Variants in KDM2A observed in about 807,000 individuals in gnomAD.
KDM2A encodes the protein lysine-specific demethylase 2A.
A neutral mutation model predicts 137.3 loss-of-function variants in KDM2A; 3 were observed. That is an observed-to-expected ratio of 0.02 (90% CI 0.01 to 0.06). The LOEUF (loss-of-function observed/expected upper bound fraction) is 0.06. Ranked by LOEUF, KDM2A falls within the 10% of genes least tolerant of loss-of-function variation. The pLI is 1.00. For synonymous variants in KDM2A, 512 were observed against 541.5 expected (o/e 0.95, Z 0.76); for missense variants, 738 against 1,510.6 (o/e 0.49, Z 8.48).
chr11:67,163,501 G>A (rs2136318723), intron 2 of KDM2A, among the ~76,000 whole-genome samples: 1 of 152,226 alleles, frequency 6.6e-6, no homozygotes, highest in East Asian at 1.9e-4. Context: ...TAGCCACTTA[G>A]GCCATTCTTT....
chr11:67,246,671 G>A (rs749140674), intron 15 of KDM2A, among the ~76,000 whole-genome samples: 9 of 152,046 alleles, frequency 5.9e-5, no homozygotes, highest in Non-Finnish European at 7.4e-5. Flanking sequence ...CTACTGATCC[G>A]AATTGTGCAG....
intron 11 of KDM2A, among the ~76,000 whole-genome samples, chr11:67,230,220 A>G (rs1433667768): frequency 6.6e-6 from 1 of 151,448 alleles, no homozygotes; most frequent in Non-Finnish European, 1.5e-5. Flanking sequence ...CACTGTGATG[A>G]GCACCTGTAG....
intron 9 of KDM2A, among the ~76,000 whole-genome samples, chr11:67,218,845 G>T (rs941657829): frequency 6.6e-6 from 1 of 152,086 alleles, no homozygotes; most frequent in Non-Finnish European, 1.5e-5. Flanking sequence ...TCCTGACCTC[G>T]TGATCCACCC....
chr11:67,136,024 T>C (rs569598058), intron 2 of KDM2A, among the ~76,000 whole-genome samples: 2 of 152,312 alleles, frequency 1.3e-5, no homozygotes, highest in African/African-American at 2.4e-5. Flanking sequence ...TTGTTTAATA[T>C]CTGATTTTTT....
intron 17 of KDM2A, among the ~76,000 whole-genome samples, chr11:67,251,403 T>C (rs1253089039): frequency 6.6e-6 from 1 of 152,218 alleles, no homozygotes; most frequent in African/African-American, 2.4e-5. Flanking sequence ...TCTTCTTAAG[T>C]TGGACAGACA....
At chr11:67,189,939 C>T (rs1857309882) in intron 5 of KDM2A, among the ~76,000 whole-genome samples, 1 of 151,768 alleles carries the variant, frequency 6.6e-6, no homozygotes, top group African/African-American at 2.4e-5. Flanking sequence ...ACAAACTAAA[C>T]CTAAAGCTAA....
At chr11:67,199,860 T>C (rs1031227370) in intron 5 of KDM2A, among the ~76,000 whole-genome samples, 2 of 152,158 alleles carry the variant, frequency 1.3e-5, no homozygotes, top group South Asian at 4.1e-4. Context: ...TCTAGGATTT[T>C]CATAGCTAGA....
At chr11:67,147,985 A>G (rs1208145629) in intron 2 of KDM2A, among the ~76,000 whole-genome samples, 3 of 151,904 alleles carry the variant, frequency 2.0e-5, no homozygotes, top group Non-Finnish European at 4.4e-5. Flanking sequence ...CCCTCATTAG[A>G]GAGTCTTATA....
At chr11:67,160,171 T>G (rs778528362) in intron 2 of KDM2A, among the ~76,000 whole-genome samples, 1 of 152,138 alleles carries the variant, frequency 6.6e-6, no homozygotes, top group Non-Finnish European at 1.5e-5. Context: ...GAAATAAAAT[T>G]CTATAGTTCA....
chr11:67,215,232 T>C, intron 6 of KDM2A, 108 bp from the exon 7 acceptor site: 1 of 618,262 alleles, frequency 1.6e-6, no homozygotes, highest in South Asian at 2.3e-5. Flanking sequence ...AATTAAATTA[T>C]AGTTTTTTGT....
intron 5 of KDM2A, chr11:67,195,751 TA>T: frequency 5.3e-6 from 1 of 188,672 alleles, no homozygotes. Flanking sequence ...TTATATTCAG[TA>T]AAGAAAATAC....
intron 5 of KDM2A, among the ~76,000 whole-genome samples, chr11:67,193,694 C>A (rs1361284137): frequency 6.6e-6 from 1 of 152,120 alleles, no homozygotes; most frequent in Admixed American, 6.6e-5. Context: ...AACGCCGTAT[C>A]TACTAAAAAT....
intron 5 of KDM2A, among the ~76,000 whole-genome samples, chr11:67,188,918 A>G (rs998069553): frequency 2.6e-5 from 4 of 152,220 alleles, no homozygotes; most frequent in Admixed American, 6.5e-5. Context: ...GTATACCCAA[A>G]GGAAAACCTG....
chr11:67,206,778 G>T (rs556521080), intron 5 of KDM2A, among the ~76,000 whole-genome samples: 23 of 152,324 alleles, frequency 1.5e-4, no homozygotes, highest in African/African-American at 5.5e-4. Flanking sequence ...TGACTCCAAA[G>T]CTATTGTTTT....
intron 2 of KDM2A, among the ~76,000 whole-genome samples, chr11:67,128,960 G>A (rs1855791312): frequency 6.6e-6 from 1 of 152,228 alleles, no homozygotes; most frequent in Non-Finnish European, 1.5e-5. Flanking sequence ...GCTCTCACCT[G>A]TGGTCCCAGC....
In KDM2A at chr11:67,215,276, T is replaced by TA. The variant is rs1858127668; in HGVS notation, c.487-64_487-63insA. The stretch of plus-strand genomic sequence containing the variant: ...TTAAGAAATTCTGCTTTTCTTGACT[T>TA]TAAAATTATCTTTGACCCCAACCTT... On this transcript the variant is annotated intron_variant, in intron 6 of 20. Coordinates refer to ENST00000529006, the MANE Select transcript of KDM2A (RefSeq NM_012308.3). 4.7e-6 allele frequency: 5 copies of TA among 1,054,382 alleles called. 1 individual carries two copies. The Admixed American group carries it at 1.0e-4, about 22-fold the overall frequency. 65.3% of individuals were successfully genotyped at this position (1,054,382 alleles called of 1,614,324 possible).
intron 2 of KDM2A, among the ~76,000 whole-genome samples, chr11:67,155,957 A>G (rs1046193602): frequency 8.9e-5 from 13 of 146,002 alleles, no homozygotes; most frequent in African/African-American, 1.5e-4. Flanking sequence ...AAAAAAAAAA[A>G]TCACAGGAAG....
At chr11:67,218,227 A>C (rs1858229973) in intron 9 of KDM2A, among the ~76,000 whole-genome samples, 1 of 152,210 alleles carries the variant, frequency 6.6e-6, no homozygotes, top group Non-Finnish European at 1.5e-5. Context: ...TATTCTAGGG[A>C]ATGGCTGTGA....
chr11:67,224,615 C>T (rs2136412635), intron 10 of KDM2A, among the ~76,000 whole-genome samples: 1 of 150,788 alleles, frequency 6.6e-6, no homozygotes. Context: ...CTACAGGCAC[C>T]CGCCACCAAG....
Sources: allele counts gnomAD v4.1 joint callset (sites outside exome capture counted in the v4.1 genomes callset), GRCh38; gene constraint gnomAD v4.1.1; transcripts MANE v1.5; gene names NCBI Gene and HGNC (gene_info 2026-07-23, HGNC 2026-07-21).